LINGO2: variants seen among roughly 807,000 people sequenced by gnomAD.
The protein encoded by LINGO2 is leucine rich repeat and Ig domain containing 2.
LINGO2 carries 14 observed loss-of-function variants against 30.6 expected under a neutral mutation model. That is an observed-to-expected ratio of 0.46 (90% CI 0.30 to 0.72). The LOEUF (loss-of-function observed/expected upper bound fraction) is 0.72. Ranked by LOEUF, LINGO2 falls within the 30% of genes least tolerant of loss-of-function variation. The pLI, the probability that LINGO2 is intolerant of heterozygous loss-of-function variation, is 0.07. For synonymous variants in LINGO2, 317 were observed against 288.5 expected (o/e 1.10, Z -1.00); for missense variants, 729 against 751.7 (o/e 0.97, Z 0.35).
chr9:28,527,520 G>A (rs1381646672), intron 1 of LINGO2, among the ~76,000 whole-genome samples: 1 of 151,938 alleles, frequency 6.6e-6, no homozygotes, highest in Non-Finnish European at 1.5e-5. Flanking sequence ...CTTCACCAAG[G>A]TCCATCTTCA....
the LINGO2 span, among the ~76,000 whole-genome samples, chr9:28,787,289 C>A: frequency 5.3e-5 from 8 of 152,224 alleles, no homozygotes; most frequent in African/African-American, 1.9e-4. Flanking sequence ...AAAAACTTAA[C>A]ATGCACTTGG....
At chr9:28,775,808 G>A in the LINGO2 span, among the ~76,000 whole-genome samples, 2,455 of 152,244 alleles carry the variant, frequency 0.016, 24 homozygotes, top group Middle Eastern at 0.085. Context: ...TAAATTTGGG[G>A]AAAATATACT....
In LINGO2 at chr9:28,224,988, G is replaced by C. The variant is rs1302314263; in HGVS notation, c.-87+70220C>G. 4.6e-5 allele frequency among the ~76,000 whole-genome samples: 7 copies of C among 152,206 alleles called. No individual in the cohort carries two copies. In the South Asian group the frequency reaches 8.3e-4, roughly 18 times the overall value. Reference sequence around the variant, plus strand: ...ACACATTTGCAACCAACTCATTTTTGACAAAAGCACCAAGAACATACCTTG... The same window carrying C: ...ACACATTTGCAACCAACTCATTTTTCACAAAAGCACCAAGAACATACCTTG... On this transcript the variant is annotated intron_variant, in intron 4 of 5. Coordinates refer to ENST00000379992, the Ensembl canonical transcript of LINGO2.
At chr9:28,482,354 T>C (rs1052986649) in intron 1 of LINGO2, among the ~76,000 whole-genome samples, 1 of 152,178 alleles carries the variant, frequency 6.6e-6, no homozygotes, top group Non-Finnish European at 1.5e-5. Context: ...TGGTTTTGAT[T>C]TGCATTTCTC....
chr9:28,972,658 T>C, the LINGO2 span, among the ~76,000 whole-genome samples: 1 of 151,998 alleles, frequency 6.6e-6, no homozygotes, highest in African/African-American at 2.4e-5. Context: ...AATAATGACA[T>C]ATTGGGAGAC....
Position 28,305,565 on chromosome 9 carries a change from C to T in LINGO2, c.-245-10199G>A, listed in dbSNP as rs1221810818. Among the ~76,000 whole-genome samples, 7 of 151,894 alleles carry T rather than the reference C, an allele frequency of 4.6e-5. No homozygotes were observed. In the East Asian group the frequency reaches 1.3e-3, roughly 29 times the overall value. On this transcript the variant is annotated intron_variant, in intron 3 of 5. Transcript: ENST00000379992. ...CAAAAACCAATTGTATTTTTATAGTCTAGCAACAAAACATTAGACATTGAA... is the reference window on the plus strand; with the variant it reads ...CAAAAACCAATTGTATTTTTATAGTTTAGCAACAAAACATTAGACATTGAA...
At chr9:28,109,024 G>T (rs1826686893) in intron 4 of LINGO2, among the ~76,000 whole-genome samples, 1 of 152,124 alleles carries the variant, frequency 6.6e-6, no homozygotes, top group South Asian at 2.1e-4. Flanking sequence ...AAATCCAGCA[G>T]CACATCAAAA....
chr9:28,615,055 T>C (rs530752237), intron 1 of LINGO2, among the ~76,000 whole-genome samples: 2 of 152,190 alleles, frequency 1.3e-5, no homozygotes, highest in East Asian at 3.9e-4. Flanking sequence ...AATATAAAAT[T>C]AAGGGAGGAC....
At chr9:28,363,432 G>A (rs1375681226) in intron 3 of LINGO2, among the ~76,000 whole-genome samples, 2 of 152,154 alleles carry the variant, frequency 1.3e-5, no homozygotes, top group African/African-American at 4.8e-5. Context: ...AATTTGATTT[G>A]AGCCAATCCA....
the LINGO2 span, among the ~76,000 whole-genome samples, chr9:28,923,977 C>T: frequency 2.6e-5 from 4 of 152,100 alleles, no homozygotes; most frequent in Admixed American, 6.6e-5. Flanking sequence ...TGATCATGCT[C>T]GGTCTAGAAA....
rs1486701671 is a variant in LINGO2, at chr9:28,329,483, TG to T, written c.-245-34118del. ...TTTCTTGTCATGTATATACAAGTTT[TG>T]CTCCTGTTCAATCTAAAATGCTCAT... On this transcript the variant is annotated intron_variant, in intron 3 of 5. Coordinates refer to ENST00000379992, the Ensembl canonical transcript of LINGO2. The surrounding 1 kb of genome is among the most constrained non-coding windows in gnomAD (Gnocchi z 4.5). 6.6e-6 allele frequency among the ~76,000 whole-genome samples: 1 copy of T among 152,206 alleles called. No homozygotes were observed. Among genetic ancestry groups the T allele is most frequent in the Non-Finnish European group, 1.5e-5 (1 of 68,044 alleles).
intron 1 of LINGO2, among the ~76,000 whole-genome samples, chr9:28,566,727 G>A (rs1243106169): frequency 6.6e-6 from 1 of 152,118 alleles, no homozygotes; most frequent in African/African-American, 2.4e-5. Flanking sequence ...AACAAGTAAA[G>A]GATATGGCAT....
chr9:28,436,854 C>G (rs1823964701), intron 2 of LINGO2, among the ~76,000 whole-genome samples: 1 of 152,162 alleles, frequency 6.6e-6, no homozygotes. Context: ...CTTACCACCG[C>G]AAGGCCTGAT....
At chr9:28,361,021 A>G (rs137877078) in intron 3 of LINGO2, among the ~76,000 whole-genome samples, 538 of 152,338 alleles carry the variant, frequency 3.5e-3, no homozygotes, top group Non-Finnish European at 6.5e-3. Context: ...AAATCCAGAC[A>G]TAAAAAATTA....
At chr9:28,248,022 G>C (rs544987472) in intron 4 of LINGO2, among the ~76,000 whole-genome samples, 13 of 152,320 alleles carry the variant, frequency 8.5e-5, no homozygotes, top group African/African-American at 2.9e-4. Flanking sequence ...ATGTAAATTG[G>C]TACAACCACT....
In LINGO2 at chr9:28,067,160, T is replaced by C. The variant is rs369287928; in HGVS notation, c.-86-54755A>G. Among the ~76,000 whole-genome samples the C allele has an allele frequency of 2.0e-5, 3 of 152,158 alleles. No individual in the cohort carries two copies. In the South Asian group the frequency reaches 6.2e-4, roughly 31 times the overall value. On this transcript the variant is annotated intron_variant, in intron 4 of 5. Coordinates refer to ENST00000379992, the Ensembl canonical transcript of LINGO2. Reference sequence around the variant, plus strand: ...TTTATATTTACAAGCACAAAATATTTTCACAGTAACAGCCCTTTTAAAATA... The same window carrying C: ...TTTATATTTACAAGCACAAAATATTCTCACAGTAACAGCCCTTTTAAAATA...
At chr9:29,087,900 AAAT>A in the LINGO2 span, among the ~76,000 whole-genome samples, 1 of 152,160 alleles carries the variant, frequency 6.6e-6, no homozygotes, top group Admixed American at 6.6e-5. Flanking sequence ...TAAAATAGCA[AAAT>A]AATGATACCT....
chr9:28,258,016 T>C (rs762867940), intron 4 of LINGO2, among the ~76,000 whole-genome samples: 85 of 152,090 alleles, frequency 5.6e-4, no homozygotes, highest in Non-Finnish European at 2.2e-4. Context: ...TATTAGAAGC[T>C]ACAGAATGAC....
At chr9:28,857,238 A>G in the LINGO2 span, among the ~76,000 whole-genome samples, 1 of 152,044 alleles carries the variant, frequency 6.6e-6, no homozygotes, top group East Asian at 1.9e-4. Context: ...GAAAGTATAG[A>G]AAAAACAAAG....
Sources: gnomAD v4.1 joint callset for allele counts (sites outside exome capture counted in the v4.1 genomes callset) on GRCh38, gnomAD v4.1.1 for gene constraint, Gnocchi (gnomAD v3.1) non-coding constraint, MANE v1.5 for transcripts, NCBI Gene and HGNC (gene_info 2026-07-23, HGNC 2026-07-21) for gene names.